The following NWD1 variants were observed in gnomAD, a reference collection of about 807,000 sequenced individuals.
NWD1 encodes the protein NACHT domain- and WD repeat-containing protein 1.
A neutral mutation model predicts 135.1 loss-of-function variants in NWD1; 129 were observed. That is an observed-to-expected ratio of 0.96 (90% CI 0.83 to 1.11). The LOEUF (loss-of-function observed/expected upper bound fraction) is 1.11, where lower values mean the gene tolerates loss of function less well. NWD1 is among the 50% of genes least tolerant of loss of function. NWD1 has a pLI of 0.00. For synonymous variants in NWD1, 773 were observed against 786.0 expected, an observed-to-expected ratio of 0.98 and a Z score of 0.28; for missense variants, 1,740 against 1,851.3, an observed-to-expected ratio of 0.94 and a Z score of 1.10.
Position 16,815,437 on chromosome 19 carries a change from CATGGCTTCAGATT to C in NWD1, c.*410_*422del, listed in dbSNP as rs1971042986. ...ACGTTTGCTGGTGTATATCTGGACC[CATGGCTTCAGATT>C]ATGGCTTCAGACCTTGTCTCTTCTC... is the stretch of plus-strand genomic sequence containing the variant. On this transcript the variant is annotated 3_prime_UTR_variant, in exon 19 of 19. Transcript: ENST00000524140. 1.7e-6 allele frequency: 1 copy of C among 605,458 alleles called. No homozygotes were observed. The highest frequency in any genetic ancestry group is 1.9e-5 in the African/African-American group (1 of 53,894). The allele number at this position is 605,458 out of a possible 1,614,324, so 37.5% of individuals were successfully genotyped here.
Position 16,731,220 on chromosome 19 carries a change from G to A in NWD1, c.23G>A (p.Arg8Lys), listed in dbSNP as rs756944083. The A allele has an allele frequency of 7.2e-5, 110 of 1,534,674 alleles. No homozygotes were observed. Among genetic ancestry groups the A allele is most frequent in the Admixed American group, 2.4e-4 (12 of 50,958 alleles). Residue 8 changes from arginine (R) to lysine (K), a missense_variant, in exon 3 of 19, where the codon AGA becomes AAA. Transcript: ENST00000524140. ...TGGATGCAGAGAGGGAAGCCCTGCA[G>A]AGCACTGCCTACCCTGAAGTGCCAG... MQRGKPC[R>K]ALPTLKCQTF...
intron 12 of NWD1, among the ~76,000 whole-genome samples, chr19:16,784,422 G>T (rs1969969000): frequency 6.6e-6 from 1 of 151,812 alleles, no homozygotes; most frequent in Non-Finnish European, 1.5e-5. Flanking sequence ...GATATATATA[G>T]GCTATATGCA....
rs549634461 is a variant in NWD1, at chr19:16,770,839, T to C, written c.2411-2287T>C. ...CCCTATTTTTGTCATCTGCAAAATG[T>C]GCAATTGAACTAAAATGTGTCCAGA... On this transcript the variant is annotated intron_variant, in intron 10 of 18. Transcript: ENST00000524140. Among the ~76,000 whole-genome samples, 6 of 152,316 alleles carry C rather than the reference T, an allele frequency of 3.9e-5. No homozygotes were observed. In the South Asian group the frequency reaches 1.2e-3, roughly 32 times the overall value.
intron 11 of NWD1, among the ~76,000 whole-genome samples, chr19:16,773,939 TATCC>T (rs200226720): frequency 0.29 from 35,586 of 123,394 alleles, 5,169 homozygotes; most frequent in Middle Eastern, 0.47. Context: ...TCCATCCATC[TATCC>T]ATCCATCCAT....
At chr19:16,757,966 C>T (rs761617069) in intron 6 of NWD1, among the ~76,000 whole-genome samples, 11 of 151,880 alleles carry the variant, frequency 7.2e-5, no homozygotes, top group African/African-American at 1.2e-4. Flanking sequence ...GCAGGAGAAT[C>T]GCTTGAAGCC....
chr19:16,744,691 G>A lies in NWD1; in HGVS notation c.469G>A (p.Glu157Lys). 1.3e-6 allele frequency: 2 copies of A among 1,536,018 alleles called. No homozygotes were observed. The highest frequency in any genetic ancestry group is 1.7e-6 in the Non-Finnish European group (2 of 1,146,886). Residue 157 changes from glutamate (E) to lysine (K), a missense_variant, in exon 5 of 19, where the codon GAG (glutamate) becomes AAG (lysine). Physicochemically the swap from Glu to Lys is moderately conservative, Grantham distance 56 (BLOSUM62 1). Transcript: ENST00000524140. The stretch of plus-strand genomic sequence containing the variant: ...CCGGAGGCTGGGGCTCATCACCCAG[G>A]AGCAGTGGCAGCACTACCACCGGTC... ...EARRLGLITQ[E>K]QWQHYHRSVI...
chr19:16,807,200 A>G (rs1473539969), intron 17 of NWD1, among the ~76,000 whole-genome samples: 1 of 150,850 alleles, frequency 6.6e-6, no homozygotes, highest in Non-Finnish European at 1.5e-5. Flanking sequence ...AAGAAAGAAA[A>G]TATGAACACC....
chr19:16,749,868 C>T lies in NWD1; in HGVS notation c.1226C>T (p.Ala409Val). The T allele has an allele frequency of 6.2e-7, 1 of 1,613,300 alleles. No individual in the cohort carries two copies. The highest frequency in any genetic ancestry group is 1.3e-5 in the African/African-American group (1 of 75,036). Reference protein sequence around the residue: ...LPLPPAQVLDAHTRVVQFFHT... With the variant: ...LPLPPAQVLDVHTRVVQFFHT... ...TTGCCCCCTGCCCAGGTTCTGGACG[C>T]CCACACCAGGGTGGTCCAGTTTTTC... Residue 409 changes from alanine to valine, a missense_variant, in exon 6 of 19, where the codon GCC becomes GTC. Transcript: ENST00000524140.
intron 15 of NWD1, among the ~76,000 whole-genome samples, chr19:16,796,590 T>C (rs969713552): frequency 2.6e-4 from 39 of 152,212 alleles, no homozygotes; most frequent in African/African-American, 9.4e-4. Context: ...CCTAGGCATT[T>C]GCCTGCCTCC....
intron 4 of NWD1, among the ~76,000 whole-genome samples, chr19:16,737,217 C>T (rs185802910): frequency 2.0e-5 from 3 of 152,200 alleles, no homozygotes; most frequent in Non-Finnish European, 4.4e-5. Flanking sequence ...AATCTCCAGT[C>T]CACAATTAAT....
chr19:16,763,716 C>A, intron 8 of NWD1, 112 bp from the exon 9 acceptor site: 2 of 717,880 alleles, frequency 2.8e-6, no homozygotes, highest in Admixed American at 2.0e-5. Flanking sequence ...TCTTCCATTG[C>A]ATTCTCGTCC....
chr19:16,737,964 CGAAAA>C (rs60410383), intron 4 of NWD1, among the ~76,000 whole-genome samples: 2,393 of 124,606 alleles, frequency 0.019, 36 homozygotes, highest in African/African-American at 0.043. Context: ...GACTCTATCT[CGAAAA>C]GAAAAGAAAA....
chr19:16,773,290 CCCCTCCGGGCAA>C lies in NWD1; in HGVS notation c.2577_2588del (p.Arg861_Leu864del). On this transcript the variant is annotated inframe_deletion, in exon 11 of 19. Transcript: ENST00000524140. Reference sequence around the variant, plus strand: ...AGGATTCCTCCAGCCCCCGGGAGGACCCCTCCGGGCAACTCTCAGCGGCTGTCACAAAGGTGA... The same window carrying C: ...AGGATTCCTCCAGCCCCCGGGAGGACCTCTCAGCGGCTGTCACAAAGGTGA... The C allele has an allele frequency of 6.2e-7, 1 of 1,613,106 alleles. No homozygotes were observed. Among genetic ancestry groups the C allele is most frequent in the Non-Finnish European group, 8.5e-7 (1 of 1,179,914 alleles).
At chr19:16,743,671 TATTA>T (rs1299708956) in intron 4 of NWD1, among the ~76,000 whole-genome samples, 17 of 143,994 alleles carry the variant, frequency 1.2e-4, no homozygotes, top group Admixed American at 6.6e-4. Flanking sequence ...TTTATTTATT[TATTA>T]GTTTGTTTAT....
chr19:16,802,076 G>A (rs1053769812), intron 17 of NWD1, among the ~76,000 whole-genome samples: 1 of 151,814 alleles, frequency 6.6e-6, no homozygotes, highest in Non-Finnish European at 1.5e-5. Flanking sequence ...ACGAGGTCAG[G>A]AGCTCAAGAC....
chr19:16,776,057 GACTATGGGGGCACAAATCGC>G (rs1482927510), intron 11 of NWD1, among the ~76,000 whole-genome samples: 1 of 152,212 alleles, frequency 6.6e-6, no homozygotes, highest in East Asian at 1.9e-4. Context: ...ATGATAGAAT[GACTATGGGGGCACAAATCGC>G]ACATAGTGCT....
chr19:16,778,335 G>A (rs1416238058), intron 11 of NWD1, among the ~76,000 whole-genome samples: 1 of 152,072 alleles, frequency 6.6e-6, no homozygotes, highest in Non-Finnish European at 1.5e-5. Context: ...CTTGGGGTGT[G>A]TTTGCCCAAT....
rs755366503 is a variant in NWD1, at chr19:16,765,012, C to T, written c.2252-22C>T. On this transcript the variant is annotated intron_variant, in intron 9 of 18. Coordinates refer to ENST00000524140, the MANE Select transcript of NWD1 (RefSeq NM_001007525.5). ...GGAGGGAGGTAGGCACTTCCCACAT[C>T]CTCCCCCCTTCTCTCCCTCAGGCAG... The T allele has an allele frequency of 9.9e-6, 16 of 1,613,174 alleles. No homozygotes were observed. The South Asian group carries it at 1.6e-4, about 17-fold the overall frequency.
chr19:16,768,818 G>T (rs1969317154), intron 10 of NWD1, among the ~76,000 whole-genome samples: 1 of 152,186 alleles, frequency 6.6e-6, no homozygotes. Context: ...GATGTGAATA[G>T]GATGTTAAAA....
Sources: gnomAD v4.1 joint callset for allele counts (sites outside exome capture counted in the v4.1 genomes callset) on GRCh38, gnomAD v4.1.1 for gene constraint, MANE v1.5 for transcripts, NCBI Gene and HGNC (gene_info 2026-07-23, HGNC 2026-07-21) for gene names.